The following CILP2 variants were observed in gnomAD, a reference collection of about 807,000 sequenced individuals.
CILP2 encodes CILP-2.
CILP2 carries 38 observed loss-of-function variants against 45.6 expected under a neutral mutation model. The observed-to-expected ratio is 0.83, with a 90% CI of 0.64 to 1.09. CILP2 has a LOEUF of 1.09. CILP2 is among the 50% of genes least tolerant of loss of function. The pLI is 0.00. For missense variants in CILP2, 1,735 were observed against 1,662.2 expected (o/e 1.04, Z -0.76); for synonymous variants, 780 against 723.5 (o/e 1.08, Z -1.25).
Position 19,540,229 on chromosome 19 carries a change from C to A in CILP2, c.189C>A (p.Phe63Leu). 6.3e-7 allele frequency: 1 copy of A among 1,598,716 alleles called. No homozygotes were observed. ...WEEASEWTSWFNVDHPGGDGD... is the reference protein window; with the variant it reads ...WEEASEWTSWLNVDHPGGDGD... ...AGGCCAGCGAGTGGACGTCCTGGTTCAACGTGGACCACCCCGGAGGCGACG... is the reference window on the plus strand; with the variant it reads ...AGGCCAGCGAGTGGACGTCCTGGTTAAACGTGGACCACCCCGGAGGCGACG... The change falls in exon 3 of 8, where the codon TTC becomes TTA. Residue 63 changes from phenylalanine to leucine, a missense_variant. By Grantham distance (22) the Phe-to-Leu change is conservative (BLOSUM62 0). Coordinates refer to ENST00000291495, the MANE Select transcript of CILP2 (RefSeq NM_153221.2).
Position 19,544,350 on chromosome 19 carries a change from C to T in CILP2, c.1805C>T (p.Pro602Leu). ...GCCGACGGCAAACCCTACTCGGGGC[C>T]TGTGGAGGCCCGGGTGACGTTCGTG... Reference protein sequence around the residue: ...RRADGKPYSGPVEARVTFVDP... With the variant: ...RRADGKPYSGLVEARVTFVDP... Residue 602 changes from proline to leucine, a missense_variant, in exon 8 of 8, where the codon CCT (proline) becomes CTT (leucine). Physicochemically the swap from Pro to Leu is moderately conservative, Grantham distance 98 (BLOSUM62 -3). Coordinates refer to ENST00000291495, the MANE Select transcript of CILP2 (RefSeq NM_153221.2). 7.4e-6 allele frequency: 12 copies of T among 1,610,868 alleles called. No homozygotes were observed. Among genetic ancestry groups the T allele is most frequent in the Non-Finnish European group, 1.0e-5 (12 of 1,179,346 alleles).
Position 19,538,425 on chromosome 19 carries a change from C to T in CILP2, c.64+12C>T. 2.0e-6 allele frequency: 3 copies of T among 1,524,734 alleles called. No individual in the cohort carries two copies. Among genetic ancestry groups the T allele is most frequent in the Non-Finnish European group, 2.6e-6 (3 of 1,145,560 alleles). The allele number at this position is 1,524,734 out of a possible 1,614,324, so 94.5% of individuals were successfully genotyped here. On this transcript the variant is annotated intron_variant, in intron 1 of 7. Coordinates refer to ENST00000291495, the MANE Select transcript of CILP2 (RefSeq NM_153221.2). ...GGCGGGGGCCCGAGGTGAGGCGCCT[C>T]CAGCCCCCGCGCCCAGCCCCTGAGG...
At position 19,544,323 on chromosome 19, in the gene CILP2, G is replaced by A; in HGVS notation, c.1778G>A (p.Arg593Lys). 1 of 1,612,426 alleles carries A rather than the reference G, an allele frequency of 6.2e-7. No individual in the cohort carries two copies. The highest frequency in any genetic ancestry group is 1.6e-4 in the Middle Eastern group (1 of 6,062). The change falls in exon 8 of 8, where the codon AGA (arginine) becomes AAA (lysine). Residue 593 changes from arginine (R) to lysine (K), a missense_variant. Coordinates refer to ENST00000291495, the MANE Select transcript of CILP2 (RefSeq NM_153221.2). ...ELVLPSGAFR[R>K]ADGKPYSGPV... ...GTCCTGCCTTCTGGCGCTTTCCGCA[G>A]AGCCGACGGCAAACCCTACTCGGGG... is the stretch of plus-strand genomic sequence containing the variant.
Position 19,543,229 on chromosome 19 carries a change from T to C in CILP2, c.978-19T>C. 1 of 1,610,762 alleles carries C rather than the reference T, an allele frequency of 6.2e-7. No homozygotes were observed. On this transcript the variant is annotated intron_variant, in intron 6 of 7. Coordinates refer to ENST00000291495, the MANE Select transcript of CILP2 (RefSeq NM_153221.2). ...GCCCCTCCCACTGAGTCCTATGGTG[T>C]CGCTCACCTGCCATCCAGGTTCCAC... is the stretch of plus-strand genomic sequence containing the variant.
rs1322362299 is a variant in CILP2, at chr19:19,543,296, C to T, written c.1026C>T (p.Ala342=). 2.5e-6 allele frequency: 4 copies of T among 1,613,640 alleles called. No homozygotes were observed. Among genetic ancestry groups the T allele is most frequent in the Non-Finnish European group, 3.4e-6 (4 of 1,180,006 alleles). ...ACAGGCGAGCTCATGGGTACGGGGC[C>T]CACCTGGAGCTGCGGGGACTGCGCC... ...LLDRRAHGYG[A]HLELRGLRPD... is the part of the protein sequence containing the mutation. Residue 342 remains alanine, a synonymous_variant, in exon 7 of 8, where the codon GCC becomes GCT. Coordinates refer to ENST00000291495, the MANE Select transcript of CILP2 (RefSeq NM_153221.2).
At chr19:19,541,357 G>C (rs2061243298) in intron 4 of CILP2, 111 bp downstream of exon 4, 1 of 982,194 alleles carries the variant, frequency 1.0e-6, no homozygotes, top group Non-Finnish European at 1.3e-6. Context: ...TGGATGTAGA[G>C]AGGCAGTGCT....
Position 19,544,580 on chromosome 19 carries a change from C to A in CILP2, c.2035C>A (p.Leu679Ile). 6.3e-7 allele frequency: 1 copy of A among 1,577,174 alleles called. No homozygotes were observed. The highest frequency in any genetic ancestry group is 1.3e-5 in the African/African-American group (1 of 74,356). ...CCACATGCCAGGCCACGTGGAGGCC[C>A]TCAAGCTGTGGTCGCTGAACCCCGA... ...QIHMPGHVEA[L>I]KLWSLNPETG... Residue 679 changes from leucine to isoleucine, a missense_variant, in exon 8 of 8, where the codon CTC becomes ATC. Leu to Ile is a conservative substitution (Grantham distance 5). Transcript: ENST00000291495.
In CILP2 at chr19:19,542,374, G is replaced by A; in HGVS notation, c.593-1G>A. The A allele has an allele frequency of 6.2e-7, 1 of 1,608,116 alleles. No individual in the cohort carries two copies. The highest frequency in any genetic ancestry group is 1.1e-5 in the South Asian group (1 of 90,998). On this transcript the variant is annotated splice_acceptor_variant, in intron 4 of 7. Transcript: ENST00000291495. LOFTEE classifies it high-confidence loss of function. Reference sequence around the variant, plus strand: ...CCTGCTTCCTCTCCATATCCCCCCAGGGTGCAGCCTTGACACCTGTGAATG... The same window carrying A: ...CCTGCTTCCTCTCCATATCCCCCCAAGGTGCAGCCTTGACACCTGTGAATG...
chr19:19,543,010 G>T (rs1269027276), intron 6 of CILP2, 38 bp downstream of exon 6: 2 of 1,354,182 alleles, frequency 1.5e-6, no homozygotes. Context: ...ATCTTCTGTG[G>T]CTTTGGGGTT....
chr19:19,538,827 A>G (rs11670775), intron 1 of CILP2, among the ~76,000 whole-genome samples: 23,743 of 152,294 alleles, frequency 0.16, 1,961 homozygotes, highest in Middle Eastern at 0.28. Context: ...AGACTGAGGC[A>G]CCCAGAAGGA....
rs760034565 is a variant in CILP2 at position 19,543,838 on chromosome 19, G to A, written c.1293G>A (p.Gly431=). Reference sequence around the variant, plus strand: ...TGGCAGGCTCCAGCCCCCGCTGCGGGGACGCCAGCTCCCGCTGCTGCTCTG... The same window carrying A: ...TGGCAGGCTCCAGCCCCCGCTGCGGAGACGCCAGCTCCCGCTGCTGCTCTG... ...PSLAGSSPRC[G]DASSRCCSVR... is the part of the protein sequence containing the mutation. Residue 431 remains glycine (G), a synonymous_variant, in exon 8 of 8, where the codon GGG becomes GGA. Coordinates refer to ENST00000291495, the MANE Select transcript of CILP2 (RefSeq NM_153221.2). 94 of 1,613,708 alleles carry A rather than the reference G, an allele frequency of 5.8e-5. No homozygotes were observed. The highest frequency in any genetic ancestry group is 7.6e-5 in the Non-Finnish European group (90 of 1,179,898).
At position 19,544,745 on chromosome 19, in the gene CILP2, C is replaced by T. The variant is rs1046163953; in HGVS notation, c.2200C>T (p.Arg734Cys). The change falls in exon 8 of 8, where the codon CGC becomes TGC. Residue 734 changes from arginine to cysteine, a missense_variant. Arg to Cys is a radical substitution (Grantham distance 180). Transcript: ENST00000291495. ...RRLFNLDVPERRRCFVKVRAY... is the reference protein window; with the variant it reads ...RRLFNLDVPECRRCFVKVRAY... The stretch of plus-strand genomic sequence containing the variant: ...CCTGTTCAATCTGGACGTGCCTGAG[C>T]GCCGCCGCTGCTTCGTGAAGGTGCG... The T allele has an allele frequency of 2.5e-6, 4 of 1,605,094 alleles. No homozygotes were observed. The highest frequency in any genetic ancestry group is 1.3e-5 in the African/African-American group (1 of 74,964).
Position 19,544,798 on chromosome 19 carries a change from C to G in CILP2, c.2253C>G (p.Pro751=). 1 of 1,605,594 alleles carries G rather than the reference C, an allele frequency of 6.2e-7. No individual in the cohort carries two copies. Among genetic ancestry groups the G allele is most frequent in the Admixed American group, 1.7e-5 (1 of 59,982 alleles). The change falls in exon 8 of 8, where the codon CCC becomes CCG. Residue 751 remains proline (P), a synonymous_variant. Coordinates refer to ENST00000291495, the MANE Select transcript of CILP2 (RefSeq NM_153221.2). ...VRAYANDKFT[P]SEQVEGVVVT... ...CCTACGCCAACGACAAGTTCACCCC[C>G]AGCGAGCAGGTGGAGGGCGTGGTGG...
Position 19,544,900 on chromosome 19 carries a change from C to T in CILP2, c.2355C>T (p.Val785=). 6.3e-7 allele frequency: 1 copy of T among 1,589,034 alleles called. No homozygotes were observed. ...CCTGGGGCCGCTTTGACAGCGCGGT[C>T]ACCGGCCCCAATGGCGCCTGCCTCC... ...PRAWGRFDSA[V]TGPNGACLPA... Residue 785 remains valine, a synonymous_variant, in exon 8 of 8, where the codon GTC becomes GTT. Transcript: ENST00000291495.
Position 19,545,444 on chromosome 19 carries a change from G to A in CILP2, c.2899G>A (p.Gly967Ser), listed in dbSNP as rs771429826. The A allele has an allele frequency of 5.6e-6, 9 of 1,612,312 alleles. No homozygotes were observed. Among genetic ancestry groups the A allele is most frequent in the South Asian group, 3.3e-5 (3 of 91,040 alleles). The change falls in exon 8 of 8, where the codon GGC becomes AGC. Residue 967 changes from glycine (G) to serine (S), a missense_variant. By Grantham distance (56) the Gly-to-Ser change is moderately conservative. Coordinates refer to ENST00000291495, the MANE Select transcript of CILP2 (RefSeq NM_153221.2). The part of the protein sequence containing the change: ...NAGGSHPRTR[G>S]QLYGLRDARS... ...AGGGGGCAGCCACCCACGCACCCGC[G>A]GCCAGCTCTACGGACTTCGGGATGC... is the stretch of plus-strand genomic sequence containing the variant.
chr19:19,543,485 G>C lies in CILP2; in HGVS notation c.1135+80G>C, dbSNP rs891815257. On this transcript the variant is annotated intron_variant, in intron 7 of 7. Coordinates refer to ENST00000291495, the MANE Select transcript of CILP2 (RefSeq NM_153221.2). The stretch of plus-strand genomic sequence containing the variant: ...CTGTAGCTAAGCTCAACCCCAAATG[G>C]AGCCCCCACTTCAGACTGATCCAAT... The C allele has an allele frequency of 2.6e-6, 4 of 1,540,976 alleles. No individual in the cohort carries two copies. The African/African-American group carries it at 5.4e-5, about 21-fold the overall frequency.
At position 19,542,896 on chromosome 19, in the gene CILP2, C is replaced by T. The variant is rs866713077; in HGVS notation, c.901C>T (p.Arg301Ter). 3.7e-6 allele frequency: 6 copies of T among 1,614,020 alleles called. No homozygotes were observed. Among genetic ancestry groups the T allele is most frequent in the Non-Finnish European group, 2.5e-6 (3 of 1,179,912 alleles). Residue 301 changes from arginine (R) to a stop codon, truncating the protein, a stop_gained, in exon 6 of 8, where the codon CGA becomes TGA. Coordinates refer to ENST00000291495, the MANE Select transcript of CILP2 (RefSeq NM_153221.2). LOFTEE classifies it high-confidence loss of function. ...KPYLVKHPES[R>*]VREAGQNVTF... ...GTACCTGGTGAAACACCCTGAGTCCCGAGTGCGAGAGGCTGGCCAGAATGT... is the reference window on the plus strand; with the variant it reads ...GTACCTGGTGAAACACCCTGAGTCCTGAGTGCGAGAGGCTGGCCAGAATGT...
At position 19,544,217 on chromosome 19, in the gene CILP2, G is replaced by C. The variant is rs759702374; in HGVS notation, c.1672G>C (p.Ala558Pro). The change falls in exon 8 of 8, where the codon GCC becomes CCC. Residue 558 changes from alanine to proline, a missense_variant. Transcript: ENST00000291495. Reference protein sequence around the residue: ...YHEVKAMRKKAPVILHTSQSN... With the variant: ...YHEVKAMRKKPPVILHTSQSN... ...CGAGGTCAAGGCCATGCGGAAGAAA[G>C]CCCCGGTCATTTTACATACCAGCCA... 1 of 1,613,806 alleles carries C rather than the reference G, an allele frequency of 6.2e-7. No homozygotes were observed. The highest frequency in any genetic ancestry group is 1.1e-5 in the South Asian group (1 of 91,090).
intron 2 of CILP2, 41 bp downstream of exon 2, chr19:19,539,818 T>C: frequency 6.7e-7 from 1 of 1,493,594 alleles, no homozygotes; most frequent in South Asian, 1.3e-5. Context: ...TGCTGCGGGC[T>C]TGTTGGGGGT....
Sources: allele counts gnomAD v4.1 joint callset (sites outside exome capture counted in the v4.1 genomes callset), GRCh38; gene constraint gnomAD v4.1.1; transcripts MANE v1.5; gene names NCBI Gene and HGNC (gene_info 2026-07-23, HGNC 2026-07-21).